The following CRIM1 variants were observed in gnomAD, a reference collection of about 807,000 sequenced individuals.
The protein encoded by CRIM1 is cysteine-rich motor neuron 1 protein.
In CRIM1, 32 loss-of-function variants were observed where a neutral mutation model predicts 116.4. The ratio of observed to expected loss-of-function variants is 0.27; its 90% confidence interval spans 0.21 to 0.37. The LOEUF (loss-of-function observed/expected upper bound fraction) is 0.37. Among genes scored for constraint, CRIM1 ranks in the 10% least tolerant of loss-of-function variants. CRIM1 has a pLI of 1.00. For missense variants in CRIM1, 1,331 were observed against 1,354.8 expected, an observed-to-expected ratio of 0.98 and a Z score of 0.28; for synonymous variants, 590 against 509.2, an observed-to-expected ratio of 1.16 and a Z score of -2.13.
chr2:36,435,241 A>G (rs1364815046), intron 2 of CRIM1, among the ~76,000 whole-genome samples: 6 of 152,078 alleles, frequency 3.9e-5, no homozygotes, highest in Non-Finnish European at 1.5e-5. Flanking sequence ...AATTTCCGCT[A>G]TCAAATATAA....
intron 1 of CRIM1, among the ~76,000 whole-genome samples, chr2:36,389,411 G>C (rs1445403243): frequency 6.6e-6 from 1 of 152,200 alleles, no homozygotes; most frequent in Non-Finnish European, 1.5e-5. Flanking sequence ...GCCAGTATTA[G>C]CTATTTGCAT....
At chr2:36,418,614 G>A (rs996861212) in intron 2 of CRIM1, among the ~76,000 whole-genome samples, 4 of 152,086 alleles carry the variant, frequency 2.6e-5, no homozygotes, top group Admixed American at 2.0e-4. Context: ...TGCCATGTCC[G>A]GGTTCCCCTT....
chr2:36,494,891 G>A (rs1473556412), intron 7 of CRIM1, among the ~76,000 whole-genome samples: 1 of 152,086 alleles, frequency 6.6e-6, no homozygotes, highest in Non-Finnish European at 1.5e-5. Context: ...TACAAGATGA[G>A]ATAGAATTTC....
rs78511856 is a variant in CRIM1, at chr2:36,469,472, G to A, written c.991+4817G>A. Among the ~76,000 whole-genome samples, 1,484 of 152,170 alleles carry A rather than the reference G, an allele frequency of 9.8e-3. 23 individuals are homozygous for A. The highest frequency in any genetic ancestry group is 0.034 in the African/African-American group (1,431 of 41,494). ...AGTAATTAGTTCCTGTTTTATTCAGGCATATACGAAAGGCTAATAAAAACT... is the reference window on the plus strand; with the variant it reads ...AGTAATTAGTTCCTGTTTTATTCAGACATATACGAAAGGCTAATAAAAACT... On this transcript the variant is annotated intron_variant, in intron 5 of 16. Transcript: ENST00000280527.
intron 8 of CRIM1, among the ~76,000 whole-genome samples, chr2:36,502,658 G>C (rs950416916): frequency 6.6e-6 from 1 of 152,282 alleles, no homozygotes; most frequent in African/African-American, 2.4e-5. Flanking sequence ...AAACACTCAT[G>C]AAATATCACT....
At chr2:36,389,839 T>C (rs1392894336) in intron 1 of CRIM1, among the ~76,000 whole-genome samples, 1 of 152,020 alleles carries the variant, frequency 6.6e-6, no homozygotes, top group Non-Finnish European at 1.5e-5. Flanking sequence ...AGCATAGAGG[T>C]TGAATCCAGG....
intron 2 of CRIM1, among the ~76,000 whole-genome samples, chr2:36,425,066 C>T (rs77680117): frequency 0.023 from 3,486 of 152,250 alleles, 93 homozygotes; most frequent in East Asian, 0.083. Flanking sequence ...AGGCCCGGGA[C>T]TGAGTCCATG....
chr2:36,474,593 C>T (rs1290707894), intron 5 of CRIM1, among the ~76,000 whole-genome samples: 1 of 152,064 alleles, frequency 6.6e-6, no homozygotes, highest in Non-Finnish European at 1.5e-5. Context: ...TGGTGGCTCA[C>T]ACCTGTCATC....
intron 1 of CRIM1, among the ~76,000 whole-genome samples, chr2:36,390,555 C>A (rs1236846204): frequency 6.6e-6 from 1 of 152,074 alleles, no homozygotes; most frequent in Non-Finnish European, 1.5e-5. Flanking sequence ...GTAGTTTCTT[C>A]ATCATTGTTT....
intron 9 of CRIM1, among the ~76,000 whole-genome samples, chr2:36,511,877 G>A (rs1369293312): frequency 3.0e-5 from 4 of 134,916 alleles, no homozygotes; most frequent in African/African-American, 8.1e-5. Flanking sequence ...CGGATGGATC[G>A]TAGGTGGGTG....
chr2:36,356,302 G>T lies in CRIM1; in HGVS notation c.10G>T (p.Val4Leu). The change falls in exon 1 of 17, where the codon GTG becomes TTG. Residue 4 changes from valine (V) to leucine (L), a missense_variant. Coordinates refer to ENST00000280527, the MANE Select transcript of CRIM1 (RefSeq NM_016441.3). The surrounding 1 kb of genome is among the most constrained non-coding windows in gnomAD (Gnocchi z 4.3). The stretch of plus-strand genomic sequence containing the variant: ...GCGGCGGCGCAGGAGGATGTACTTG[G>T]TGGCGGGGGACAGGGGGTTGGCCGG... MYLVAGDRGLAGCG... is the reference protein window; with the variant it reads MYLLAGDRGLAGCG... 1 of 1,534,648 alleles carries T rather than the reference G, an allele frequency of 6.5e-7. No homozygotes were observed. The highest frequency in any genetic ancestry group is 8.8e-7 in the Non-Finnish European group (1 of 1,141,160).
chr2:36,513,931 A>C (rs1664866922), intron 11 of CRIM1, among the ~76,000 whole-genome samples, 166 bp downstream of exon 11: 1 of 152,246 alleles, frequency 6.6e-6, no homozygotes, highest in South Asian at 2.1e-4. Flanking sequence ...TCCAGGCACT[A>C]TCAGTGAAGA....
intron 1 of CRIM1, among the ~76,000 whole-genome samples, chr2:36,368,342 G>A (rs1297377681): frequency 6.6e-6 from 1 of 152,210 alleles, no homozygotes; most frequent in Non-Finnish European, 1.5e-5. Context: ...GCTTGTATGT[G>A]AGACAGCAAA....
At chr2:36,360,072 G>C (rs926335417) in intron 1 of CRIM1, among the ~76,000 whole-genome samples, 12 of 152,220 alleles carry the variant, frequency 7.9e-5, no homozygotes, top group African/African-American at 2.9e-4. Flanking sequence ...AATGAAGTGA[G>C]ATTTTCTAGA....
At chr2:36,465,889 CTT>C (rs546998292) in intron 5 of CRIM1, among the ~76,000 whole-genome samples, 26 of 143,292 alleles carry the variant, frequency 1.8e-4, no homozygotes, top group Non-Finnish European at 1.5e-4. Flanking sequence ...CTTTAGTATT[CTT>C]TTTTTTTTTT....
At chr2:36,400,933 A>T (rs761059056) in intron 2 of CRIM1, among the ~76,000 whole-genome samples, 2 of 151,752 alleles carry the variant, frequency 1.3e-5, no homozygotes, top group Non-Finnish European at 2.9e-5. Flanking sequence ...CCTTTTAGGG[A>T]CTCTTCTTTG....
At chr2:36,532,511 A>T (rs1274538830) in intron 13 of CRIM1, among the ~76,000 whole-genome samples, 1 of 152,206 alleles carries the variant, frequency 6.6e-6, no homozygotes, top group Non-Finnish European at 1.5e-5. Context: ...GTGAGGTATG[A>T]TGCAGTCAGG....
chr2:36,458,996 C>T (rs976390403), intron 4 of CRIM1, among the ~76,000 whole-genome samples: 8 of 152,142 alleles, frequency 5.3e-5, no homozygotes, highest in African/African-American at 1.9e-4. Flanking sequence ...GGTATTCAGG[C>T]AGGAAGGAGT....
At chr2:36,388,685 A>G (rs1479966356) in intron 1 of CRIM1, among the ~76,000 whole-genome samples, 1 of 152,042 alleles carries the variant, frequency 6.6e-6, no homozygotes, top group Non-Finnish European at 1.5e-5. Flanking sequence ...GCAGTTTAAG[A>G]TGGCCCCTAG....
Sources: allele counts gnomAD v4.1 joint callset (sites outside exome capture counted in the v4.1 genomes callset), GRCh38; gene constraint gnomAD v4.1.1; non-coding constraint Gnocchi (gnomAD v3.1); transcripts MANE v1.5; gene names NCBI Gene and HGNC (gene_info 2026-07-23, HGNC 2026-07-21).